SVEP1: variants seen among roughly 807,000 people sequenced by gnomAD.
The protein encoded by SVEP1 is sushi, von Willebrand factor type A, EGF and pentraxin domain-containing protein 1.
SVEP1 carries 164 observed loss-of-function variants against 367.3 expected under a neutral mutation model. That is an observed-to-expected ratio of 0.45 (90% CI 0.39 to 0.51). The LOEUF (loss-of-function observed/expected upper bound fraction) is 0.51, where lower values mean the gene tolerates loss of function less well. Among genes scored for constraint, SVEP1 ranks in the 20% least tolerant of loss-of-function variants. SVEP1 has a pLI of 0.00. For missense variants in SVEP1, 4,117 were observed against 4,425.3 expected (o/e 0.93, Z 1.98); for synonymous variants, 1,666 against 1,611.6 (o/e 1.03, Z -0.81).
chr9:110,398,397 A>G (rs1827803234), intron 40 of SVEP1, among the ~76,000 whole-genome samples: 1 of 152,250 alleles, frequency 6.6e-6, no homozygotes, highest in Non-Finnish European at 1.5e-5. Flanking sequence ...TCCCTAGAAG[A>G]AAACTTAGGC....
intron 25 of SVEP1, 48 bp downstream of exon 25, chr9:110,446,852 T>C (rs1166300269): frequency 7.0e-7 from 1 of 1,423,986 alleles, no homozygotes; most frequent in Non-Finnish European, 9.2e-7. Context: ...ATTGTTATTA[T>C]ATTACTATTG....
chr9:110,575,960 G>T (rs561826495), intron 1 of SVEP1, among the ~76,000 whole-genome samples: 2 of 152,254 alleles, frequency 1.3e-5, no homozygotes, highest in African/African-American at 4.8e-5. Flanking sequence ...GTTAGGGGGT[G>T]GGGGATGGAA....
intron 30 of SVEP1, among the ~76,000 whole-genome samples, chr9:110,433,885 T>G (rs930084885): frequency 1.3e-5 from 2 of 152,218 alleles, no homozygotes; most frequent in African/African-American, 4.8e-5. Context: ...CTGTCTCTCC[T>G]ATTAGAATGT....
intron 25 of SVEP1, among the ~76,000 whole-genome samples, 198 bp from the exon 26 acceptor site, chr9:110,446,236 T>C (rs767431682): frequency 1.3e-5 from 2 of 152,146 alleles, no homozygotes; most frequent in Non-Finnish European, 2.9e-5. Flanking sequence ...GTATATAAGA[T>C]AGGAAAAGCA....
In SVEP1 at chr9:110,472,170, A is replaced by C; in HGVS notation, c.2753T>G (p.Phe918Cys). 1.9e-6 allele frequency: 3 copies of C among 1,611,010 alleles called. No homozygotes were observed. The highest frequency in any genetic ancestry group is 2.5e-6 in the Non-Finnish European group (3 of 1,179,234). ...PLSDYKIKLIFNITASVPLPD... is the reference protein window; with the variant it reads ...PLSDYKIKLICNITASVPLPD... Reference sequence around the variant, plus strand: ...CAGTTTATCCTTACCTGTGATGTTAAAAATTAACTTAATTTTATAGTCAGA... The same window carrying C: ...CAGTTTATCCTTACCTGTGATGTTACAAATTAACTTAATTTTATAGTCAGA... The change falls in exon 15 of 48, where the codon TTT becomes TGT. Residue 918 changes from phenylalanine to cysteine, a missense_variant. By Grantham distance (205) the Phe-to-Cys change is radical. Transcript: ENST00000374469.
chr9:110,382,126 C>CA (rs1475205966), intron 43 of SVEP1, among the ~76,000 whole-genome samples: 1 of 152,034 alleles, frequency 6.6e-6, no homozygotes, highest in African/African-American at 2.4e-5. Flanking sequence ...CATCATGATT[C>CA]TAGGTGGTTA....
chr9:110,483,443 T>C, intron 10 of SVEP1, 143 bp downstream of exon 10: 1 of 464,236 alleles, frequency 2.2e-6, no homozygotes, highest in South Asian at 4.9e-5. Flanking sequence ...TATTCTAGCA[T>C]TAAAACATGT....
At chr9:110,456,975 T>C (rs1828784884) in intron 21 of SVEP1, among the ~76,000 whole-genome samples, 1 of 152,340 alleles carries the variant, frequency 6.6e-6, no homozygotes, top group South Asian at 2.1e-4. Context: ...AATGAAACTT[T>C]GAACATGACC....
chr9:110,410,516 C>T (rs1828028851), intron 37 of SVEP1, among the ~76,000 whole-genome samples: 1 of 152,078 alleles, frequency 6.6e-6, no homozygotes, highest in Admixed American at 6.6e-5. Flanking sequence ...AGCATATATC[C>T]ATCCTGAAAA....
chr9:110,513,460 G>A (rs1259160524), intron 4 of SVEP1, among the ~76,000 whole-genome samples: 3 of 152,130 alleles, frequency 2.0e-5, no homozygotes, highest in East Asian at 3.9e-4. Flanking sequence ...GAACAAATAA[G>A]GCTAGCAAAG....
intron 40 of SVEP1, among the ~76,000 whole-genome samples, chr9:110,398,529 A>T (rs1339248572): frequency 6.6e-6 from 1 of 152,188 alleles, no homozygotes; most frequent in Non-Finnish European, 1.5e-5. Flanking sequence ...GCACAGCAAA[A>T]GAAACTATCA....
At position 110,436,448 on chromosome 9, in the gene SVEP1, G is replaced by A. The variant is rs1318462758; in HGVS notation, c.4696C>T (p.Pro1566Ser). The change falls in exon 28 of 48, where the codon CCA becomes TCA. Residue 1566 changes from proline (P) to serine (S), a missense_variant. Coordinates refer to ENST00000374469, the MANE Select transcript of SVEP1 (RefSeq NM_153366.4). ...ATGGAGCCCACAAAAGACTCAGCTG[G>A]GCTGAATCCCTCTCCTTTTTTGTCT... is the stretch of plus-strand genomic sequence containing the variant. Reference protein sequence around the residue: ...EQDKKGEGFSPAESFVGSISQ... With the variant: ...EQDKKGEGFSSAESFVGSISQ... The A allele has an allele frequency of 1.9e-6, 3 of 1,613,736 alleles. No individual in the cohort carries two copies. Among genetic ancestry groups the A allele is most frequent in the African/African-American group, 2.7e-5 (2 of 74,880 alleles).
chr9:110,406,927 A>C lies in SVEP1; in HGVS notation c.8673T>G (p.Cys2891Trp), dbSNP rs745905561. The change falls in exon 38 of 48, where the codon TGT becomes TGG. Residue 2891 changes from cysteine (C) to tryptophan (W), a missense_variant. By Grantham distance (215) the Cys-to-Trp change is radical (BLOSUM62 -2). This residue lies in a region of SVEP1 where 1,765 missense variants were observed against 1,781.1 expected (regional missense o/e 0.99). Transcript: ENST00000374469. The stretch of plus-strand genomic sequence containing the variant: ...CATTGGCCAGTTGTGGCGGGGTGGC[A>C]CATCTGACAGGCACACAGTCGGGAG... ...GATPDCVPVR[C>W]ATPPQLANGV... The C allele has an allele frequency of 6.2e-7, 1 of 1,613,666 alleles. No individual in the cohort carries two copies. The highest frequency in any genetic ancestry group is 8.5e-7 in the Non-Finnish European group (1 of 1,179,816).
rs1242331197 is a variant in SVEP1, at chr9:110,432,150, T to C, written c.5234-116A>G. The C allele has an allele frequency of 3.4e-6, 4 of 1,171,120 alleles. No homozygotes were observed. In the African/African-American group the frequency reaches 6.2e-5, roughly 18 times the overall value. 72.5% of individuals were successfully genotyped at this position (1,171,120 alleles called of 1,614,324 possible). ...CGTAATGCACAACACTTCATATATT[T>C]GTATAGAATTTAAATATAACAGTCA... On this transcript the variant is annotated intron_variant, in intron 31 of 47. Coordinates refer to ENST00000374469, the MANE Select transcript of SVEP1 (RefSeq NM_153366.4).
Position 110,406,468 on chromosome 9 carries a change from G to A in SVEP1, c.9132C>T (p.Ile3044=), listed in dbSNP as rs753855937. 2 of 1,613,988 alleles carry A rather than the reference G, an allele frequency of 1.2e-6. No individual in the cohort carries two copies. The highest frequency in any genetic ancestry group is 3.3e-5 in the Admixed American group (2 of 60,030). ...KGFKLLGLSE[I]TCEADGQWSS... ...TCCACTGGCCATCGGCTTCACAGGT[G>A]ATTTCAGAAAGTCCTAGGAGCTTGA... Residue 3044 remains isoleucine, a synonymous_variant, in exon 38 of 48, where the codon ATC becomes ATT. Transcript: ENST00000374469.
intron 22 of SVEP1, among the ~76,000 whole-genome samples, chr9:110,452,818 A>G (rs1388526970): frequency 6.6e-6 from 1 of 151,954 alleles, no homozygotes; most frequent in African/African-American, 2.4e-5. Flanking sequence ...ATCAAGTGCA[A>G]TATCAAGTCC....
At chr9:110,572,202 T>A (rs1830571780) in intron 1 of SVEP1, among the ~76,000 whole-genome samples, 1 of 152,240 alleles carries the variant, frequency 6.6e-6, no homozygotes, top group Non-Finnish European at 1.5e-5. Context: ...GATTTGTGTG[T>A]AATTATGGTC....
Position 110,432,473 on chromosome 9 carries a change from G to C in SVEP1, c.5222C>G (p.Pro1741Arg). 6.2e-7 allele frequency: 1 copy of C among 1,612,544 alleles called. No homozygotes were observed. The highest frequency in any genetic ancestry group is 8.5e-7 in the Non-Finnish European group (1 of 1,179,380). The change falls in exon 31 of 48, where the codon CCA (proline) becomes CGA (arginine). Residue 1741 changes from proline (P) to arginine (R), a missense_variant. This residue lies in a region of SVEP1 where 2,174 missense variants were observed against 2,494.3 expected (regional missense o/e 0.87). Coordinates refer to ENST00000374469, the MANE Select transcript of SVEP1 (RefSeq NM_153366.4). ...TDNGSWNGVS[P>R]SCLDVDECAV... The stretch of plus-strand genomic sequence containing the variant: ...AACATTTATCTCACCAAGGCAGGAT[G>C]GTGAAACGCCGTTCCAGCTCCCATT...
In SVEP1 at chr9:110,407,871, T is replaced by C. The variant is rs749417177; in HGVS notation, c.7729A>G (p.Ile2577Val). The change falls in exon 38 of 48, where the codon ATA (isoleucine) becomes GTA (valine). Residue 2577 changes from isoleucine to valine, a missense_variant. Physicochemically the swap from Ile to Val is conservative, Grantham distance 29. Coordinates refer to ENST00000374469, the MANE Select transcript of SVEP1 (RefSeq NM_153366.4). Reference protein sequence around the residue: ...VEGADYSYGAIIIYSCFPGFQ... With the variant: ...VEGADYSYGAVIIYSCFPGFQ... ...CCAGGGAAGCAACTGTAGATGATTATGGCACCATAGCTGTAATCTGCACCT... is the reference window on the plus strand; with the variant it reads ...CCAGGGAAGCAACTGTAGATGATTACGGCACCATAGCTGTAATCTGCACCT... The C allele has an allele frequency of 6.2e-7, 1 of 1,614,046 alleles. No individual in the cohort carries two copies. Among genetic ancestry groups the C allele is most frequent in the South Asian group, 1.1e-5 (1 of 91,088 alleles).
Sources: allele counts gnomAD v4.1 joint callset (sites outside exome capture counted in the v4.1 genomes callset), GRCh38; gene constraint gnomAD v4.1.1; regional missense constraint gnomAD v4.1.1; transcripts MANE v1.5; gene names NCBI Gene and HGNC (gene_info 2026-07-23, HGNC 2026-07-21).